The following KIAA0825 variants were observed in gnomAD, a reference collection of about 807,000 sequenced individuals.
KIAA0825 encodes the protein uncharacterized protein KIAA0825.
A neutral mutation model predicts 147.6 loss-of-function variants in KIAA0825; 119 were observed. The ratio of observed to expected loss-of-function variants is 0.81; its 90% confidence interval spans 0.69 to 0.94. The LOEUF is 0.94. Among genes scored for constraint, KIAA0825 ranks in the 40% least tolerant of loss-of-function variants. The pLI, the probability that KIAA0825 is intolerant of heterozygous loss-of-function variation, is 0.00. For missense variants in KIAA0825, 1,381 were observed against 1,472.7 expected, an observed-to-expected ratio of 0.94 and a Z score of 1.02; for synonymous variants, 470 against 518.1, an observed-to-expected ratio of 0.91 and a Z score of 1.26.
chr5:94,284,889 C>G (rs925204644), intron 20 of KIAA0825, among the ~76,000 whole-genome samples: 16 of 151,986 alleles, frequency 1.1e-4, no homozygotes, highest in Non-Finnish European at 2.2e-4. Flanking sequence ...CTACATGTAT[C>G]GTGTACTAAT....
Position 94,320,956 on chromosome 5 carries a change from G to A in KIAA0825, c.3710+63412C>T, listed in dbSNP as rs960022405. The stretch of plus-strand genomic sequence containing the variant: ...AAGTACTTTCTAGAATTATGCTACA[G>A]GAGAAGGGAAAATGAAAAGGCTGAC... On this transcript the variant is annotated intron_variant, in intron 20 of 20. Coordinates refer to ENST00000682413, the MANE Select transcript of KIAA0825 (RefSeq NM_001145678.3). Among the ~76,000 whole-genome samples the A allele has an allele frequency of 5.3e-5, 8 of 152,134 alleles. 1 individual carries two copies. Among genetic ancestry groups the A allele is most frequent in the African/African-American group, 4.8e-5 (2 of 41,556 alleles).
At chr5:94,210,276 G>A (rs536700535) in intron 20 of KIAA0825, among the ~76,000 whole-genome samples, 8 of 152,244 alleles carry the variant, frequency 5.3e-5, no homozygotes, top group South Asian at 2.1e-4. Context: ...AGATTAGGTC[G>A]GTTCTGACTT....
chr5:94,529,267 A>C (rs978227470), intron 3 of KIAA0825, among the ~76,000 whole-genome samples: 1 of 131,436 alleles, frequency 7.6e-6, no homozygotes, highest in Admixed American at 7.4e-5. Flanking sequence ...TATATCATAT[A>C]TATGTATGTA....
At chr5:94,320,274 C>G (rs957982651) in intron 20 of KIAA0825, among the ~76,000 whole-genome samples, 1 of 151,918 alleles carries the variant, frequency 6.6e-6, no homozygotes, top group Non-Finnish European at 1.5e-5. Context: ...ATGTAATGAT[C>G]AAGTTAGGAT....
At chr5:94,430,643 T>A (rs115250785) in intron 14 of KIAA0825, among the ~76,000 whole-genome samples, 1 of 152,200 alleles carries the variant, frequency 6.6e-6, no homozygotes, top group Non-Finnish European at 1.5e-5. Context: ...AAATTCATCA[T>A]AATAGTATTA....
chr5:94,247,399 G>C (rs1775685962), intron 20 of KIAA0825, among the ~76,000 whole-genome samples: 1 of 152,090 alleles, frequency 6.6e-6, no homozygotes, highest in Non-Finnish European at 1.5e-5. Flanking sequence ...TAGAATTCAG[G>C]AAGGAGGATC....
At chr5:94,419,257 T>A (rs915904954) in intron 14 of KIAA0825, among the ~76,000 whole-genome samples, 4 of 152,196 alleles carry the variant, frequency 2.6e-5, no homozygotes, top group African/African-American at 7.2e-5. Context: ...TCCCCAAGCA[T>A]AAAATATAAA....
chr5:94,422,681 G>T (rs1250304258), intron 14 of KIAA0825, among the ~76,000 whole-genome samples: 1 of 152,040 alleles, frequency 6.6e-6, no homozygotes, highest in South Asian at 2.1e-4. Context: ...CCAGACATTT[G>T]TTTTGTTTTT....
intron 1 of KIAA0825, among the ~76,000 whole-genome samples, chr5:94,590,154 C>A (rs371898103): frequency 2.0e-4 from 31 of 152,148 alleles, no homozygotes; most frequent in East Asian, 1.2e-3. Context: ...GCCACCACAC[C>A]TGGCTAATTT....
intron 8 of KIAA0825, among the ~76,000 whole-genome samples, chr5:94,472,446 T>G (rs1196204461): frequency 6.6e-6 from 1 of 152,150 alleles, no homozygotes; most frequent in Non-Finnish European, 1.5e-5. Context: ...CAAAAATTCT[T>G]TTAAGAATAT....
At chr5:94,208,389 C>G (rs920504415) in intron 20 of KIAA0825, among the ~76,000 whole-genome samples, 2 of 152,106 alleles carry the variant, frequency 1.3e-5, no homozygotes, top group Non-Finnish European at 2.9e-5. Context: ...ATCTATTATT[C>G]AACAATTCAA....
chr5:94,219,397 C>A (rs373987276), intron 20 of KIAA0825, among the ~76,000 whole-genome samples: 2 of 152,084 alleles, frequency 1.3e-5, no homozygotes, highest in African/African-American at 2.4e-5. Flanking sequence ...GGCCTGGTCC[C>A]CAAGAGCCCA....
intron 20 of KIAA0825, among the ~76,000 whole-genome samples, chr5:94,314,437 A>G (rs1305200993): frequency 1.3e-5 from 2 of 151,708 alleles, no homozygotes; most frequent in Non-Finnish European, 3.0e-5. Flanking sequence ...TCAAGGCACC[A>G]TGTTAAAAAC....
intron 20 of KIAA0825, among the ~76,000 whole-genome samples, chr5:94,180,266 C>T (rs770490679): frequency 4.6e-5 from 7 of 151,828 alleles, no homozygotes; most frequent in South Asian, 4.1e-4. Context: ...AATCCAATCA[C>T]GAGAAACCAT....
At chr5:94,271,511 GC>G (rs1370068178) in intron 20 of KIAA0825, among the ~76,000 whole-genome samples, 1 of 152,166 alleles carries the variant, frequency 6.6e-6, no homozygotes, top group African/African-American at 2.4e-5. Context: ...ACTTTGAGAG[GC>G]CAAGGTGGGT....
chr5:94,519,514 T>G, intron 5 of KIAA0825: 1 of 689,538 alleles, frequency 1.5e-6, no homozygotes, highest in Non-Finnish European at 1.8e-6. Context: ...CTTTTTTCCT[T>G]TATCTTATGA....
At chr5:94,273,969 A>C (rs1283883286) in intron 20 of KIAA0825, among the ~76,000 whole-genome samples, 1 of 152,170 alleles carries the variant, frequency 6.6e-6, no homozygotes, top group Non-Finnish European at 1.5e-5. Flanking sequence ...TGTCCATATG[A>C]AATAGGTATA....
At chr5:94,181,337 A>C (rs1297998953) in intron 20 of KIAA0825, among the ~76,000 whole-genome samples, 2 of 152,196 alleles carry the variant, frequency 1.3e-5, no homozygotes, top group African/African-American at 4.8e-5. Context: ...AGAATTACAA[A>C]GTTAGGTAGT....
chr5:94,237,405 G>A (rs570855880), intron 20 of KIAA0825, among the ~76,000 whole-genome samples: 3 of 152,104 alleles, frequency 2.0e-5, no homozygotes, highest in Non-Finnish European at 1.5e-5. Flanking sequence ...CAGGCAAAGG[G>A]GGAACAACTA....
Sources: gnomAD v4.1 joint callset for allele counts (sites outside exome capture counted in the v4.1 genomes callset) on GRCh38, gnomAD v4.1.1 for gene constraint, MANE v1.5 for transcripts, NCBI Gene and HGNC (gene_info 2026-07-23, HGNC 2026-07-21) for gene names.